RBM6: variants seen among roughly 807,000 people sequenced by gnomAD.
RBM6 encodes RNA binding motif protein 6.
RBM6 carries 23 observed loss-of-function variants against 140.4 expected under a neutral mutation model. The ratio of observed to expected loss-of-function variants is 0.16; its 90% CI spans 0.12 to 0.23. The LOEUF (loss-of-function observed/expected upper bound fraction) is 0.23. Among genes scored for constraint, RBM6 ranks in the 10% least tolerant of loss-of-function variants. The pLI is 1.00. For missense variants in RBM6, 1,139 were observed against 1,386.7 expected (o/e 0.82, Z 2.84); for synonymous variants, 439 against 475.6 (o/e 0.92, Z 1.00).
intron 1 of RBM6, among the ~76,000 whole-genome samples, chr3:49,943,155 T>C (rs971265153): frequency 6.6e-6 from 1 of 152,208 alleles, no homozygotes; most frequent in Admixed American, 6.6e-5. Context: ...TAGCAGACAC[T>C]TGGGTTGCTT....
At chr3:50,047,104 C>A in intron 6 of RBM6, 1 of 947,930 alleles carries the variant, frequency 1.1e-6, no homozygotes, top group Non-Finnish European at 1.3e-6. Context: ...TTGGTTTTGA[C>A]AAGACAATAA....
At chr3:50,053,732 C>T (rs548429439) in intron 7 of RBM6, among the ~76,000 whole-genome samples, 32 of 152,140 alleles carry the variant, frequency 2.1e-4, no homozygotes, top group South Asian at 4.1e-4. Flanking sequence ...TCAGGGATTT[C>T]GGGGTTGGGC....
intron 5 of RBM6, among the ~76,000 whole-genome samples, chr3:49,975,630 G>C (rs542303499): frequency 7.7e-4 from 118 of 152,324 alleles, no homozygotes; most frequent in African/African-American, 2.7e-3. Flanking sequence ...GTGATATATA[G>C]AGTGTTGCAG....
At chr3:50,054,117 G>A in intron 7 of RBM6, 1 of 491,880 alleles carries the variant, frequency 2.0e-6, no homozygotes. Flanking sequence ...CTGCACCAAA[G>A]TCCCAGATGC....
intron 1 of RBM6, among the ~76,000 whole-genome samples, chr3:49,943,246 T>C (rs1290904077): frequency 6.6e-6 from 1 of 152,316 alleles, no homozygotes; most frequent in African/African-American, 2.4e-5. Flanking sequence ...TTGAATTCTT[T>C]TGGGTATATA....
At chr3:49,964,411 A>AT (rs905317387) in intron 2 of RBM6, among the ~76,000 whole-genome samples, 3 of 152,052 alleles carry the variant, frequency 2.0e-5, no homozygotes, top group African/African-American at 4.8e-5. Flanking sequence ...GATGTTGGGT[A>AT]TTTTTTTTCT....
At chr3:50,000,367 A>T (rs1219058310) in intron 6 of RBM6, among the ~76,000 whole-genome samples, 4 of 130,278 alleles carry the variant, frequency 3.1e-5, no homozygotes, top group African/African-American at 5.9e-5. Context: ...TTTTTAATGT[A>T]CCCACTGCCT....
intron 6 of RBM6, among the ~76,000 whole-genome samples, chr3:50,012,458 C>T (rs918619476): frequency 7.3e-5 from 11 of 151,298 alleles, no homozygotes; most frequent in Admixed American, 2.6e-4. Context: ...CCCGGGTTCA[C>T]GCCATTCTCC....
intron 5 of RBM6, among the ~76,000 whole-genome samples, chr3:49,984,064 A>G (rs2085431540): frequency 6.6e-6 from 1 of 152,192 alleles, no homozygotes; most frequent in Non-Finnish European, 1.5e-5. Context: ...CGCCAAGGCC[A>G]GTGGATCACT....
chr3:50,046,752 G>A (rs909196748), intron 6 of RBM6, among the ~76,000 whole-genome samples: 4 of 152,108 alleles, frequency 2.6e-5, no homozygotes, highest in Admixed American at 6.6e-5. Context: ...GCAGAAGCTG[G>A]TGAATGAAAC....
intron 9 of RBM6, 95 bp downstream of exon 9, chr3:50,058,098 C>A: frequency 7.0e-7 from 1 of 1,425,852 alleles, no homozygotes; most frequent in Non-Finnish European, 9.5e-7. Flanking sequence ...CTTTCCAGTA[C>A]CCTGAGAGAT....
chr3:50,046,593 A>G (rs1387896772), intron 6 of RBM6, among the ~76,000 whole-genome samples: 2 of 151,850 alleles, frequency 1.3e-5, no homozygotes, highest in African/African-American at 4.8e-5. Context: ...GAAAAAAAAA[A>G]AAAAAAAAGG....
intron 5 of RBM6, among the ~76,000 whole-genome samples, chr3:49,978,096 G>A (rs1366775742): frequency 1.3e-5 from 2 of 152,132 alleles, no homozygotes; most frequent in Non-Finnish European, 2.9e-5. Context: ...AAACCCCTCG[G>A]CTCAAGTGAT....
chr3:50,010,290 T>G (rs1228483363), intron 6 of RBM6, among the ~76,000 whole-genome samples: 2 of 152,150 alleles, frequency 1.3e-5, no homozygotes, highest in African/African-American at 2.4e-5. Context: ...AATTTGTGCT[T>G]AATCTTTGCA....
chr3:49,993,623 CAG>C (rs1317410950), intron 5 of RBM6, among the ~76,000 whole-genome samples: 3 of 151,382 alleles, frequency 2.0e-5, no homozygotes, highest in African/African-American at 7.3e-5. Flanking sequence ...GCCTGGGTGA[CAG>C]AGTGAGACTC....
chr3:50,072,563 A>G (rs1047076119), intron 19 of RBM6, among the ~76,000 whole-genome samples: 2 of 152,198 alleles, frequency 1.3e-5, no homozygotes, highest in Non-Finnish European at 2.9e-5. Flanking sequence ...CCAACCCACA[A>G]TAAGAGAAGT....
At chr3:50,041,670 A>C (rs1420070379) in intron 6 of RBM6, among the ~76,000 whole-genome samples, 1 of 152,162 alleles carries the variant, frequency 6.6e-6, no homozygotes, top group Non-Finnish European at 1.5e-5. Context: ...GGTAGCAGCC[A>C]TTTACTAGTA....
At chr3:49,969,954 T>G (rs1417885214) in intron 3 of RBM6, among the ~76,000 whole-genome samples, 1 of 152,028 alleles carries the variant, frequency 6.6e-6, no homozygotes, top group Non-Finnish European at 1.5e-5. Flanking sequence ...TTTTTTTTCT[T>G]TTTTGAGATG....
rs571934348 is a variant in RBM6 at position 50,062,216 on chromosome 3, C to T, written c.2586+108C>T. 3 of 1,335,690 alleles carry T rather than the reference C, an allele frequency of 2.2e-6. No individual in the cohort carries two copies. In the East Asian group the frequency reaches 7.9e-5, roughly 35 times the overall value. The allele number at this position is 1,335,690 out of a possible 1,614,324, so 82.7% of individuals were successfully genotyped here. A position where few individuals can be genotyped will look rare whatever the true frequency, so the allele number is the denominator to read the frequency against. On this transcript the variant is annotated intron_variant, in intron 15 of 20. Transcript: ENST00000266022. ...CAAGTGTAAAGTAACTTTAAAAATACTCTGTCAGCCGGGCGTGGTGGCTAA... is the reference window on the plus strand; with the variant it reads ...CAAGTGTAAAGTAACTTTAAAAATATTCTGTCAGCCGGGCGTGGTGGCTAA...
Sources: gnomAD v4.1 joint callset for allele counts (sites outside exome capture counted in the v4.1 genomes callset) on GRCh38, gnomAD v4.1.1 for gene constraint, MANE v1.5 for transcripts, NCBI Gene and HGNC (gene_info 2026-07-23, HGNC 2026-07-21) for gene names.